TNRC18: variants seen among roughly 807,000 people sequenced by gnomAD.
TNRC18 encodes the protein trinucleotide repeat containing 18.
TNRC18 carries 69 observed loss-of-function variants against 226.7 expected under a neutral mutation model. The ratio of observed to expected loss-of-function variants is 0.30; its 90% CI spans 0.25 to 0.37. The LOEUF (loss-of-function observed/expected upper bound fraction) is 0.37. TNRC18 is among the 10% of genes least tolerant of loss of function. The pLI, the probability that TNRC18 is intolerant of heterozygous loss-of-function variation, is 1.00. For synonymous variants in TNRC18, 2,449 were observed against 1,927.6 expected (o/e 1.27, Z -7.09); for missense variants, 4,754 against 4,256.6 (o/e 1.12, Z -3.25).
chr7:5,318,558 G>C (rs943552167), intron 24 of TNRC18, among the ~76,000 whole-genome samples: 17 of 151,842 alleles, frequency 1.1e-4, no homozygotes, highest in African/African-American at 3.1e-4. Flanking sequence ...AAGGAAATTT[G>C]CTTCAAAATC....
intron 24 of TNRC18, among the ~76,000 whole-genome samples, chr7:5,319,880 G>A (rs1045370406): frequency 3.3e-5 from 5 of 152,132 alleles, no homozygotes; most frequent in African/African-American, 7.2e-5. Context: ...CTCAGCCCAC[G>A]AATAAAAGGG....
Position 5,313,556 on chromosome 7 carries a change from C to A in TNRC18, c.7335G>T (p.Glu2445Asp). 6.2e-7 allele frequency: 1 copy of A among 1,608,182 alleles called. No individual in the cohort carries two copies. Residue 2445 changes from glutamate to aspartate, a missense_variant, in exon 27 of 30, where the codon GAG (glutamate) becomes GAT (aspartate). Physicochemically the swap from Glu to Asp is conservative, Grantham distance 45. Coordinates refer to ENST00000430969, the MANE Select transcript of TNRC18 (RefSeq NM_001080495.3). Reference sequence around the variant, plus strand: ...GCCTCCGAGGGCCCTTGGCACCCGACTCCTCGGCTGCCCGCGCCTTCTTGG... The same window carrying A: ...GCCTCCGAGGGCCCTTGGCACCCGAATCCTCGGCTGCCCGCGCCTTCTTGG... ...PKPKKARAAE[E>D]SGAKGPRRPG... is the part of the protein sequence containing the mutation.
rs1285008212 is a variant in TNRC18, at chr7:5,357,282, G to T, written c.4834-6C>A. 2 of 1,606,766 alleles carry T rather than the reference G, an allele frequency of 1.2e-6. No homozygotes were observed. Among genetic ancestry groups the T allele is most frequent in the East Asian group, 2.2e-5 (1 of 44,778 alleles). On this transcript the variant is annotated splice_region_variant and splice_polypyrimidine_tract_variant and intron_variant, in intron 15 of 29. Transcript: ENST00000430969. Reference sequence around the variant, plus strand: ...TTCTTCTTCTTAATCTTTAGCTGGAGAGGGAAGGTGGGTCATGGGTTAAAA... The same window carrying T: ...TTCTTCTTCTTAATCTTTAGCTGGATAGGGAAGGTGGGTCATGGGTTAAAA...
chr7:5,332,982 C>T lies in TNRC18; in HGVS notation c.5787G>A (p.Leu1929=). The change falls in exon 19 of 30, where the codon CTG becomes CTA. Residue 1929 remains leucine (L), a synonymous_variant. Coordinates refer to ENST00000430969, the MANE Select transcript of TNRC18 (RefSeq NM_001080495.3). ...VKVRKRSPAG[L]LRPKKGLGEP... ...CCCCCAGCCCCTTCTTGGGCCGCAG[C>T]AGCCCCGCAGGCGACCGCTTGCGCA... The T allele has an allele frequency of 1.3e-6, 2 of 1,570,266 alleles. No homozygotes were observed. The highest frequency in any genetic ancestry group is 1.7e-6 in the Non-Finnish European group (2 of 1,166,180).
At chr7:5,334,461 A>AT (rs10706914) in intron 18 of TNRC18, among the ~76,000 whole-genome samples, 73,246 of 140,074 alleles carry the variant, frequency 0.52, 20,142 homozygotes, top group East Asian at 0.73. Context: ...CACGCCTGGC[A>AT]TTTTTTTTTT....
chr7:5,325,325 C>T (rs1300250485), intron 19 of TNRC18, 77 bp from the exon 20 acceptor site: 32 of 1,499,576 alleles, frequency 2.1e-5, no homozygotes, highest in Non-Finnish European at 2.8e-5. Context: ...CCCTCACTCA[C>T]TCACCCCCAA....
intron 26 of TNRC18, 27 bp downstream of exon 26, chr7:5,314,957 C>A (rs1787694790): frequency 6.3e-7 from 1 of 1,592,540 alleles, no homozygotes; most frequent in Admixed American, 1.7e-5. Flanking sequence ...CGCCCACCGC[C>A]CTGCCCTGGG....
intron 2 of TNRC18, among the ~76,000 whole-genome samples, chr7:5,401,364 C>G (rs1781077518): frequency 6.6e-6 from 1 of 152,190 alleles, no homozygotes; most frequent in South Asian, 2.1e-4. Flanking sequence ...CGCCCTGAAT[C>G]AGGTCCTCCC....
At chr7:5,366,784 T>C (rs535062788) in intron 11 of TNRC18, among the ~76,000 whole-genome samples, 36 of 152,270 alleles carry the variant, frequency 2.4e-4, no homozygotes, top group Admixed American at 2.0e-3. Context: ...GATGGAGGGC[T>C]GTTCTGTTCT....
At chr7:5,340,318 G>A (rs1297990779) in intron 18 of TNRC18, among the ~76,000 whole-genome samples, 2 of 152,218 alleles carry the variant, frequency 1.3e-5, no homozygotes, top group Non-Finnish European at 2.9e-5. Flanking sequence ...ATTCCTTGAA[G>A]CCAAGCCAAA....
chr7:5,396,699 G>T, intron 2 of TNRC18, among the ~76,000 whole-genome samples: 2 of 152,212 alleles, frequency 1.3e-5, no homozygotes, highest in Middle Eastern at 6.8e-3. Context: ...GAGGGATTCC[G>T]TGTGTACCCT....
intron 1 of TNRC18, among the ~76,000 whole-genome samples, chr7:5,421,901 A>G (rs1052771046): frequency 5.4e-5 from 8 of 149,080 alleles, no homozygotes; most frequent in Non-Finnish European, 1.2e-4. Flanking sequence ...AACGGTCCGA[A>G]GTGTCTCCCA....
At chr7:5,334,105 T>C (rs926327520) in intron 18 of TNRC18, among the ~76,000 whole-genome samples, 5 of 152,110 alleles carry the variant, frequency 3.3e-5, no homozygotes, top group East Asian at 1.9e-4. Flanking sequence ...GGAGAGCCAG[T>C]GGTCTGCCTT....
chr7:5,350,141 C>T (rs192432226), intron 17 of TNRC18, among the ~76,000 whole-genome samples: 2 of 146,782 alleles, frequency 1.4e-5, no homozygotes, highest in Non-Finnish European at 3.0e-5. Flanking sequence ...GGGAGGAGGC[C>T]GGGGAGGGAG....
At position 5,394,223 on chromosome 7, in the gene TNRC18, G is replaced by C. The variant is rs547703818; in HGVS notation, c.343+217C>G. On this transcript the variant is annotated intron_variant, in intron 3 of 29. Coordinates refer to ENST00000430969, the MANE Select transcript of TNRC18 (RefSeq NM_001080495.3). The surrounding 1 kb of genome is among the most constrained non-coding windows in gnomAD (Gnocchi z 4.5). ...GGACTGGAAGGTGGTCTGTGGCATG[G>C]GGTGTCAGGCTGAAAGGAGAGGAAA... Among the ~76,000 whole-genome samples the C allele has an allele frequency of 2.0e-5, 3 of 152,270 alleles. No individual in the cohort carries two copies. Among genetic ancestry groups the C allele is most frequent in the Non-Finnish European group, 2.9e-5 (2 of 68,018 alleles).
At chr7:5,423,166 C>G (rs1294669922) in intron 1 of TNRC18, 4 of 152,398 alleles carry the variant, frequency 2.6e-5, no homozygotes, top group South Asian at 2.1e-4. Context: ...CTGCTGGGAA[C>G]CGAGAGAGGA....
chr7:5,378,151 T>A, intron 5 of TNRC18, 127 bp from the exon 6 acceptor site: 1 of 666,588 alleles, frequency 1.5e-6, no homozygotes, highest in Non-Finnish European at 2.5e-6. Flanking sequence ...GCCATCCGTG[T>A]AGTGCCTTCA....
intron 9 of TNRC18, 45 bp downstream of exon 9, chr7:5,375,989 A>G (rs763282226): frequency 4.5e-6 from 7 of 1,542,046 alleles, no homozygotes; most frequent in Non-Finnish European, 6.1e-6. Context: ...CTCGTCACCC[A>G]TGGGGGCCCC....
intron 24 of TNRC18, among the ~76,000 whole-genome samples, chr7:5,318,735 C>G (rs1211408383): frequency 6.6e-6 from 1 of 151,984 alleles, no homozygotes; most frequent in Non-Finnish European, 1.5e-5. Flanking sequence ...ACATGGGAAG[C>G]AAGATAAAAA....
Sources: gnomAD v4.1 joint callset for allele counts (sites outside exome capture counted in the v4.1 genomes callset) on GRCh38, gnomAD v4.1.1 for gene constraint, Gnocchi (gnomAD v3.1) non-coding constraint, MANE v1.5 for transcripts, NCBI Gene and HGNC (gene_info 2026-07-23, HGNC 2026-07-21) for gene names.